The following SHANK2 variants were observed in gnomAD, a reference collection of about 807,000 sequenced individuals.
The protein encoded by SHANK2 is SH3 and multiple ankyrin repeat domains 2.
A neutral mutation model predicts 133.7 loss-of-function variants in SHANK2; 43 were observed. That is an observed-to-expected ratio of 0.32 (90% confidence interval 0.25 to 0.41). The LOEUF is 0.41. Among genes scored for constraint, SHANK2 ranks in the 10% least tolerant of loss-of-function variants. The pLI is 1.00. For missense variants in SHANK2, 1,994 were observed against 2,235.8 expected, an observed-to-expected ratio of 0.89 and a Z score of 2.18; for synonymous variants, 1,017 against 952.8, an observed-to-expected ratio of 1.07 and a Z score of -1.24.
intron 1 of SHANK2, among the ~76,000 whole-genome samples, chr11:71,248,884 A>C (rs1426719695): frequency 6.6e-6 from 1 of 152,122 alleles, no homozygotes; most frequent in Non-Finnish European, 1.5e-5. Flanking sequence ...GCCCTGTCAC[A>C]ACACGGACTA....
intron 17 of SHANK2, among the ~76,000 whole-genome samples, chr11:70,650,746 C>G (rs1028501987): frequency 4.6e-5 from 7 of 152,218 alleles, no homozygotes; most frequent in Non-Finnish European, 8.8e-5. Context: ...CCATCAAAGC[C>G]TGGAGCCAAC....
chr11:71,176,678 A>G (rs1953452931), intron 2 of SHANK2, among the ~76,000 whole-genome samples: 1 of 152,190 alleles, frequency 6.6e-6, no homozygotes, highest in Non-Finnish European at 1.5e-5. Flanking sequence ...GAAAATAATA[A>G]TAACACCAAC....
intron 23 of SHANK2, 38 bp downstream of exon 23, chr11:70,490,238 C>A (rs782525080): frequency 1.3e-5 from 20 of 1,556,142 alleles, no homozygotes; most frequent in Non-Finnish European, 1.2e-5. Context: ...TTTGAAAGCC[C>A]AGGGGCAACT....
intron 17 of SHANK2, among the ~76,000 whole-genome samples, chr11:70,514,956 C>T (rs782303655): frequency 6.6e-6 from 1 of 152,092 alleles, no homozygotes; most frequent in Non-Finnish European, 1.5e-5. Context: ...TTATGCTGTC[C>T]GTACACTTTC....
At chr11:70,525,830 G>A (rs565656469) in intron 17 of SHANK2, among the ~76,000 whole-genome samples, 47 of 152,014 alleles carry the variant, frequency 3.1e-4, no homozygotes, top group African/African-American at 1.0e-3. Flanking sequence ...AGGTGATGGC[G>A]GGAAAGTCCT....
Position 70,605,955 on chromosome 11 carries a change from C to T in SHANK2, c.2061+53873G>A, listed in dbSNP as rs375931299. On this transcript the variant is annotated intron_variant, in intron 17 of 25. Transcript: ENST00000601538. ...TCTAGAACAACCTATTATTCCCCCC[C>T]CTCCTTGGGGTAAAAAGATGGCATG... Among the ~76,000 whole-genome samples the T allele has an allele frequency of 9.9e-5, 15 of 152,252 alleles. No individual in the cohort carries two copies. In the East Asian group the frequency reaches 1.2e-3, roughly 12 times the overall value.
At chr11:71,093,224 A>G (rs782334529) in intron 7 of SHANK2, among the ~76,000 whole-genome samples, 2 of 152,160 alleles carry the variant, frequency 1.3e-5, no homozygotes, top group African/African-American at 2.4e-5. Flanking sequence ...ATGGGCAGCA[A>G]TACAGTGACT....
intron 9 of SHANK2, among the ~76,000 whole-genome samples, chr11:71,071,974 T>G (rs1590883804): frequency 6.6e-6 from 1 of 152,098 alleles, no homozygotes; most frequent in African/African-American, 2.4e-5. Context: ...CCACATCCCC[T>G]CCCAGCCCAC....
intron 14 of SHANK2, among the ~76,000 whole-genome samples, chr11:70,781,584 T>TATATATATATATATATATATA (rs1565311807): frequency 6.9e-5 from 1 of 14,504 alleles, no homozygotes; most frequent in Non-Finnish European, 1.8e-4. Context: ...ATATATATAT[T>TATATATATATATATATATATA]TACTTATTTA....
At chr11:70,796,177 C>T (rs966653800) in intron 14 of SHANK2, among the ~76,000 whole-genome samples, 2 of 152,286 alleles carry the variant, frequency 1.3e-5, no homozygotes, top group Non-Finnish European at 1.5e-5. Flanking sequence ...GAAAGCCATA[C>T]GTTCTCATCT....
intron 8 of SHANK2, among the ~76,000 whole-genome samples, chr11:71,082,532 C>T (rs1195080295): frequency 6.6e-6 from 1 of 152,230 alleles, no homozygotes; most frequent in Non-Finnish European, 1.5e-5. Flanking sequence ...CTCTACCAGG[C>T]AGCTCACGCT....
At chr11:70,827,879 C>T (rs1948669657) in intron 11 of SHANK2, among the ~76,000 whole-genome samples, 1 of 152,106 alleles carries the variant, frequency 6.6e-6, no homozygotes, top group South Asian at 2.1e-4. Flanking sequence ...GAAGGCGTAC[C>T]AGGGACGGGA....
chr11:71,166,272 G>A (rs902495256), intron 2 of SHANK2, among the ~76,000 whole-genome samples: 1 of 152,164 alleles, frequency 6.6e-6, no homozygotes, highest in Admixed American at 6.5e-5. Context: ...CCACAAAGAC[G>A]CCAGAGACGG....
rs185368652 is a variant in SHANK2, at chr11:71,110,306, C to T, written c.484-257G>A. ...ACAAAAAATTAGTCAGGCGTGGTGG[C>T]GGGCACCTGTAGTCCCAGCTACTCG... On this transcript the variant is annotated intron_variant, in intron 5 of 25. Transcript: ENST00000601538. Among the ~76,000 whole-genome samples, 1,169 of 152,220 alleles carry T rather than the reference C, an allele frequency of 7.7e-3. 14 individuals carry two copies. Among genetic ancestry groups the T allele is most frequent in the African/African-American group, 0.027 (1,124 of 41,528 alleles).
At chr11:70,515,983 GT>G (rs1554970002) in intron 17 of SHANK2, among the ~76,000 whole-genome samples, 2 of 151,742 alleles carry the variant, frequency 1.3e-5, no homozygotes, top group Non-Finnish European at 2.9e-5. Context: ...TTCTTCAGTT[GT>G]TTTCAGTGTG....
At chr11:70,681,623 C>G (rs890154035) in intron 15 of SHANK2, among the ~76,000 whole-genome samples, 2 of 152,160 alleles carry the variant, frequency 1.3e-5, no homozygotes, top group Admixed American at 1.3e-4. Flanking sequence ...GAGAGGCCAG[C>G]TCATTCGCAT....
In SHANK2 at chr11:70,823,137, GCTCAC is replaced by G. The variant is rs1948567340; in HGVS notation, c.1175-2460_1175-2456del. On this transcript the variant is annotated intron_variant, in intron 11 of 25. Transcript: ENST00000601538. ...GGGGGACAGAGGTGGCGCTGGCAGA[GCTCAC>G]GGGGGACAGAGGTGGCGCTGGCAGA... 4.1e-4 allele frequency among the ~76,000 whole-genome samples: 3 copies of G among 7,392 alleles called. 1 individual carries two copies. Among genetic ancestry groups the G allele is most frequent in the African/African-American group, 3.0e-3 (3 of 1,008 alleles). 4.8% of individuals were successfully genotyped at this position (7,392 alleles called of 152,430 possible). A position where few individuals can be genotyped will look rare whatever the true frequency, so the allele number is the denominator to read the frequency against.
At chr11:70,711,519 A>T (rs570897002) in intron 14 of SHANK2, among the ~76,000 whole-genome samples, 69 of 152,384 alleles carry the variant, frequency 4.5e-4, no homozygotes, top group Non-Finnish European at 8.7e-4. Context: ...TGCAAGGCAG[A>T]GGAACACACA....
intron 2 of SHANK2, among the ~76,000 whole-genome samples, chr11:71,212,556 G>C (rs1345760879): frequency 6.6e-6 from 1 of 152,198 alleles, no homozygotes; most frequent in African/African-American, 2.4e-5. Flanking sequence ...GCAGTGAACA[G>C]AGCAAACGTG....
Sources: allele counts gnomAD v4.1 joint callset (sites outside exome capture counted in the v4.1 genomes callset), GRCh38; gene constraint gnomAD v4.1.1; transcripts MANE v1.5; gene names NCBI Gene and HGNC (gene_info 2026-07-23, HGNC 2026-07-21).